CA10: variants seen among roughly 807,000 people sequenced by gnomAD.
CA10 encodes carbonic anhydrase-related protein 10.
Under a neutral mutation model 44.2 loss-of-function variants are expected in CA10, and 14 were observed. The ratio of observed to expected loss-of-function variants is 0.32; its 90% CI spans 0.21 to 0.50. The LOEUF (loss-of-function observed/expected upper bound fraction) is 0.50, where lower values mean the gene tolerates loss of function less well. Among genes scored for constraint, CA10 ranks in the 20% least tolerant of loss-of-function variants. CA10 has a pLI of 0.99. For synonymous variants in CA10, 159 were observed against 141.6 expected (o/e 1.12, Z -0.87); for missense variants, 350 against 409.7 (o/e 0.85, Z 1.26).
chr17:51,807,058 A>G (rs890159706), intron 3 of CA10, among the ~76,000 whole-genome samples: 3 of 152,232 alleles, frequency 2.0e-5, no homozygotes, highest in African/African-American at 7.2e-5. Flanking sequence ...GTGCATGTCT[A>G]AGGTATTAGT....
chr17:52,037,995 G>A (rs1277227408), intron 2 of CA10, among the ~76,000 whole-genome samples: 1 of 151,572 alleles, frequency 6.6e-6, no homozygotes, highest in Non-Finnish European at 1.5e-5. Flanking sequence ...ATTCCTCAAG[G>A]TGAAAAACTA....
chr17:52,027,118 A>G (rs1986325992), intron 2 of CA10, among the ~76,000 whole-genome samples: 1 of 152,072 alleles, frequency 6.6e-6, no homozygotes, highest in South Asian at 2.1e-4. Context: ...GTGACAGGTC[A>G]TCAGGCATTA....
intron 3 of CA10, among the ~76,000 whole-genome samples, chr17:51,867,886 C>A (rs942666373): frequency 6.6e-6 from 1 of 152,140 alleles, no homozygotes; most frequent in Non-Finnish European, 1.5e-5. Flanking sequence ...CCAAACATGC[C>A]TAATTATTTC....
At chr17:52,109,801 A>G (rs763184726) in intron 1 of CA10, among the ~76,000 whole-genome samples, 2 of 152,224 alleles carry the variant, frequency 1.3e-5, no homozygotes, top group Non-Finnish European at 2.9e-5. Context: ...GAGCATTGAC[A>G]GTGTGTTTCA....
At chr17:51,904,401 G>A (rs1206881227) in intron 3 of CA10, among the ~76,000 whole-genome samples, 1 of 151,870 alleles carries the variant, frequency 6.6e-6, no homozygotes, top group Non-Finnish European at 1.5e-5. Flanking sequence ...CTCAGGCCCA[G>A]CTCCTTGCCT....
intron 1 of CA10, among the ~76,000 whole-genome samples, chr17:52,079,803 A>ACTT (rs1033530495): frequency 6.6e-6 from 1 of 152,214 alleles, no homozygotes; most frequent in Non-Finnish European, 1.5e-5. Context: ...TTCATTTAAA[A>ACTT]GCAAAGGGGA....
intron 3 of CA10, among the ~76,000 whole-genome samples, chr17:51,759,413 C>T (rs1905158943): frequency 6.9e-6 from 1 of 145,864 alleles, no homozygotes; most frequent in Admixed American, 6.9e-5. Flanking sequence ...TTTAATATAT[C>T]AAATATATTT....
chr17:51,678,829 G>A (rs953604216), intron 4 of CA10, among the ~76,000 whole-genome samples: 1 of 152,140 alleles, frequency 6.6e-6, no homozygotes, highest in Non-Finnish European at 1.5e-5. Context: ...CCAAGTTTCT[G>A]TCTCTCTCTT....
At chr17:51,892,309 T>C (rs1046515026) in intron 3 of CA10, among the ~76,000 whole-genome samples, 2 of 152,218 alleles carry the variant, frequency 1.3e-5, no homozygotes, top group African/African-American at 4.8e-5. Flanking sequence ...ATCTCTTATA[T>C]AGAGCCATCT....
At chr17:52,072,678 TACACACACACACACAC>T (rs58984767) in intron 1 of CA10, among the ~76,000 whole-genome samples, 7 of 140,100 alleles carry the variant, frequency 5.0e-5, no homozygotes, top group Non-Finnish European at 1.1e-4. Context: ...ATCTTCCCCA[TACACACACACACACAC>T]ACACACACAC....
In CA10 at chr17:51,852,174, T is replaced by C. The variant is rs76416078; in HGVS notation, c.279+78816A>G. Among the ~76,000 whole-genome samples, 269 of 152,328 alleles carry C rather than the reference T, an allele frequency of 1.8e-3. 1 individual carries two copies. The highest frequency in any genetic ancestry group is 6.1e-3 in the African/African-American group (252 of 41,580). Reference sequence around the variant, plus strand: ...AGAATCAGGGCAGAAGCACCCGGTTTGTCACTTGCAACATTCATTTGTTTG... The same window carrying C: ...AGAATCAGGGCAGAAGCACCCGGTTCGTCACTTGCAACATTCATTTGTTTG... On this transcript the variant is annotated intron_variant, in intron 3 of 8. Transcript: ENST00000451037.
chr17:52,032,755 A>G (rs1239531252), intron 2 of CA10, among the ~76,000 whole-genome samples: 1 of 152,138 alleles, frequency 6.6e-6, no homozygotes, highest in Non-Finnish European at 1.5e-5. Context: ...TGAAAATATC[A>G]CTGGTCTAAG....
intron 3 of CA10, among the ~76,000 whole-genome samples, chr17:51,802,999 A>T (rs1308835920): frequency 6.6e-6 from 1 of 152,192 alleles, no homozygotes; most frequent in Non-Finnish European, 1.5e-5. Flanking sequence ...GGACCCTGCC[A>T]GTTATGACAA....
At chr17:51,922,655 C>T (rs1982280284) in intron 3 of CA10, among the ~76,000 whole-genome samples, 1 of 152,148 alleles carries the variant, frequency 6.6e-6, no homozygotes, top group South Asian at 2.1e-4. Flanking sequence ...TTTTTCGGTA[C>T]TATCGTTTGT....
intron 3 of CA10, among the ~76,000 whole-genome samples, chr17:51,823,132 C>A (rs557785765): frequency 6.6e-6 from 1 of 152,192 alleles, no homozygotes; most frequent in Non-Finnish European, 1.5e-5. Flanking sequence ...TTTTAACAGA[C>A]ATCGAAAGTC....
At chr17:51,728,969 G>C (rs1257519118) in intron 4 of CA10, among the ~76,000 whole-genome samples, 1 of 152,156 alleles carries the variant, frequency 6.6e-6, no homozygotes, top group African/African-American at 2.4e-5. Flanking sequence ...ATAATAAGGA[G>C]TTGGCCATGA....
chr17:51,749,835 G>C (rs1053914236), intron 3 of CA10, among the ~76,000 whole-genome samples: 1 of 152,152 alleles, frequency 6.6e-6, no homozygotes, highest in Non-Finnish European at 1.5e-5. Flanking sequence ...GAGGGAATGG[G>C]GAGAATAACT....
intron 3 of CA10, among the ~76,000 whole-genome samples, chr17:51,847,018 G>A (rs759640485): frequency 2.0e-5 from 3 of 152,118 alleles, no homozygotes; most frequent in Non-Finnish European, 2.9e-5. Flanking sequence ...GAATAATATG[G>A]ACAGTTTAGT....
chr17:51,930,782 G>C, intron 3 of CA10, among the ~76,000 whole-genome samples: 1 of 152,150 alleles, frequency 6.6e-6, no homozygotes, highest in East Asian at 1.9e-4. Flanking sequence ...AGGAGGTACA[G>C]AGTAATCAGA....
Sources: allele counts gnomAD v4.1 joint callset (sites outside exome capture counted in the v4.1 genomes callset), GRCh38; gene constraint gnomAD v4.1.1; transcripts MANE v1.5; gene names NCBI Gene and HGNC (gene_info 2026-07-23, HGNC 2026-07-21).